HMBOX1: variants seen among roughly 807,000 people sequenced by gnomAD.
HMBOX1 encodes homeobox containing 1.
In HMBOX1, 14 loss-of-function variants were observed where a neutral mutation model predicts 54.5. The observed-to-expected ratio is 0.26, with a 90% CI of 0.17 to 0.40. The LOEUF (loss-of-function observed/expected upper bound fraction) is 0.40, where lower values mean the gene tolerates loss of function less well. Among genes scored for constraint, HMBOX1 ranks in the 10% least tolerant of loss-of-function variants. The probability of loss-of-function intolerance (pLI) is 1.00; values close to 1 mark genes in which losing one functional copy is unlikely to be tolerated. For synonymous variants in HMBOX1, 160 were observed against 181.0 expected (o/e 0.88, Z 0.93); for missense variants, 332 against 514.4 (o/e 0.65, Z 3.43).
At chr8:28,995,675 G>GTGGT (rs1348411671) in intron 4 of HMBOX1, among the ~76,000 whole-genome samples, 6 of 152,210 alleles carry the variant, frequency 3.9e-5, no homozygotes, top group African/African-American at 1.4e-4. Flanking sequence ...TGGATGTGAA[G>GTGGT]TGGTATGTGT....
intron 1 of HMBOX1, among the ~76,000 whole-genome samples, chr8:28,917,970 T>A (rs148410501): frequency 1.1e-3 from 161 of 152,336 alleles, no homozygotes; most frequent in Non-Finnish European, 2.1e-3. Flanking sequence ...TGTAATTTAA[T>A]CCTCTGGCTT....
At chr8:28,949,715 TAAG>T (rs1297597331) in intron 1 of HMBOX1, 1 of 152,214 alleles carries the variant, frequency 6.6e-6, no homozygotes, top group Non-Finnish European at 1.5e-5. Flanking sequence ...CAGCAATTGA[TAAG>T]AAACAATCCC....
chr8:28,909,822 G>A (rs1585714916), intron 1 of HMBOX1, among the ~76,000 whole-genome samples: 1 of 151,884 alleles, frequency 6.6e-6, no homozygotes, highest in South Asian at 2.1e-4. Flanking sequence ...TCCAACTTGT[G>A]CAAAACACCA....
intron 1 of HMBOX1, among the ~76,000 whole-genome samples, chr8:28,957,024 G>T (rs1190077668): frequency 1.3e-5 from 2 of 152,146 alleles, no homozygotes; most frequent in Non-Finnish European, 2.9e-5. Flanking sequence ...AAGCAATTTG[G>T]AGAGTCCTCA....
chr8:28,927,862 C>T (rs1215738699), intron 1 of HMBOX1, among the ~76,000 whole-genome samples: 20 of 135,070 alleles, frequency 1.5e-4, no homozygotes, highest in African/African-American at 3.8e-4. Flanking sequence ...AAAAGCCAGG[C>T]GTGGTGGCTC....
chr8:29,049,879 G>C (rs1254019124), intron 9 of HMBOX1, among the ~76,000 whole-genome samples: 2 of 152,184 alleles, frequency 1.3e-5, no homozygotes, highest in Admixed American at 1.3e-4. Flanking sequence ...TCCTCAGCCA[G>C]CTCATATAGT....
intron 2 of HMBOX1, among the ~76,000 whole-genome samples, chr8:28,968,620 C>G (rs1220315992): frequency 6.6e-6 from 1 of 152,250 alleles, no homozygotes; most frequent in East Asian, 1.9e-4. Flanking sequence ...CAGTTCCTGC[C>G]TAGAAGTGAC....
chr8:28,989,044 G>A (rs2137473), intron 4 of HMBOX1, among the ~76,000 whole-genome samples: 88,451 of 151,930 alleles, frequency 0.58, 26,699 homozygotes, highest in East Asian at 0.7. Flanking sequence ...AGGCCGAGGC[G>A]GGCGAATCAC....
intron 6 of HMBOX1, among the ~76,000 whole-genome samples, chr8:29,044,211 CA>C (rs1805253428): frequency 6.6e-6 from 1 of 152,124 alleles, no homozygotes; most frequent in South Asian, 2.1e-4. Flanking sequence ...ATGGCATTTC[CA>C]CCAATGCAGA....
rs1013903259 is a variant in HMBOX1 at position 29,010,554 on chromosome 8, C to CA, written c.697+1382dup. ...CTGGATGACAAAGGGAGACCTGTCTCAAAAAAAAAATATATATATTATTAT... is the reference window on the plus strand; with the variant it reads ...CTGGATGACAAAGGGAGACCTGTCTCAAAAAAAAAAATATATATATTATTAT... On this transcript the variant is annotated intron_variant, in intron 5 of 9. Coordinates refer to ENST00000287701, the MANE Select transcript of HMBOX1 (RefSeq NM_001135726.3). 5.0e-4 allele frequency among the ~76,000 whole-genome samples: 73 copies of CA among 145,790 alleles called. 1 individual carries two copies. Among genetic ancestry groups the CA allele is most frequent in the African/African-American group, 1.5e-3 (59 of 40,050 alleles).
intron 5 of HMBOX1, among the ~76,000 whole-genome samples, chr8:29,017,128 C>G (rs972815620): frequency 9.2e-5 from 14 of 152,160 alleles, no homozygotes; most frequent in African/African-American, 3.1e-4. Context: ...AATGCTGGCA[C>G]CTGGGTGGAG....
chr8:28,892,940 G>A (rs1222976750), intron 1 of HMBOX1, among the ~76,000 whole-genome samples: 1 of 152,044 alleles, frequency 6.6e-6, no homozygotes. Context: ...TTTTTCTGAA[G>A]CATATTATAA....
intron 5 of HMBOX1, chr8:29,010,295 C>T (rs1586459204): frequency 5.4e-6 from 2 of 372,898 alleles, no homozygotes; most frequent in African/African-American, 4.4e-5. Context: ...CGCAGTGGCT[C>T]ACGCCTGTAA....
chr8:28,902,079 A>G (rs747448636), intron 1 of HMBOX1, among the ~76,000 whole-genome samples: 2 of 152,148 alleles, frequency 1.3e-5, no homozygotes, highest in Non-Finnish European at 2.9e-5. Flanking sequence ...GTGACATTCT[A>G]AATAGTTTAG....
intron 1 of HMBOX1, among the ~76,000 whole-genome samples, chr8:28,894,308 T>C (rs997612227): frequency 1.3e-5 from 2 of 152,192 alleles, no homozygotes; most frequent in Non-Finnish European, 2.9e-5. Flanking sequence ...TATTTATTTA[T>C]TTATGAAATT....
intron 1 of HMBOX1, among the ~76,000 whole-genome samples, chr8:28,920,158 G>A (rs1817300930): frequency 6.6e-6 from 1 of 152,130 alleles, no homozygotes; most frequent in South Asian, 2.1e-4. Context: ...AAATTTATAT[G>A]TTAACCTTTT....
intron 1 of HMBOX1, among the ~76,000 whole-genome samples, chr8:28,962,611 A>G (rs1283022517): frequency 6.6e-6 from 1 of 151,920 alleles, no homozygotes; most frequent in African/African-American, 2.4e-5. Context: ...AAATCTCATA[A>G]TTTCTTTTCA....
At chr8:29,037,166 G>A (rs1310012305) in intron 6 of HMBOX1, among the ~76,000 whole-genome samples, 2 of 152,108 alleles carry the variant, frequency 1.3e-5, no homozygotes, top group East Asian at 3.8e-4. Flanking sequence ...AGGTTGATAT[G>A]GACAGAGCCA....
intron 4 of HMBOX1, among the ~76,000 whole-genome samples, chr8:28,981,391 T>G (rs1829322370): frequency 6.6e-6 from 1 of 152,342 alleles, no homozygotes; most frequent in East Asian, 1.9e-4. Flanking sequence ...ATTTAAAATA[T>G]GTTGTTAACC....
Sources: allele counts gnomAD v4.1 joint callset (sites outside exome capture counted in the v4.1 genomes callset), GRCh38; gene constraint gnomAD v4.1.1; transcripts MANE v1.5; gene names NCBI Gene and HGNC (gene_info 2026-07-23, HGNC 2026-07-21).